MRPL30: variants seen among roughly 807,000 people sequenced by gnomAD.
MRPL30 encodes the protein mitochondrial ribosomal protein L30.
A neutral mutation model predicts 17.2 loss-of-function variants in MRPL30; 10 were observed. The ratio of observed to expected loss-of-function variants is 0.58; its 90% CI spans 0.36 to 0.99. The LOEUF is 0.99. Ranked by LOEUF, MRPL30 falls within the 50% of genes least tolerant of loss-of-function variation. MRPL30 has a pLI of 0.01. For missense variants in MRPL30, 170 were observed against 189.8 expected (o/e 0.90, Z 0.61); for synonymous variants, 61 against 62.1 (o/e 0.98, Z 0.08).
At chr2:99,188,289 G>A in intron 3 of MRPL30, 32 bp downstream of exon 3, 3 of 1,516,096 alleles carry the variant, frequency 2.0e-6, no homozygotes, top group South Asian at 1.2e-5. Context: ...TTTAATGTTA[G>A]TGTTGTTTTA....
At chr2:99,181,981 A>C (rs1477881167) in intron 1 of MRPL30, among the ~76,000 whole-genome samples, 2 of 151,770 alleles carry the variant, frequency 1.3e-5, no homozygotes, top group Middle Eastern at 3.2e-3. Flanking sequence ...TGTTGCATGC[A>C]TGCTCATTGT....
In MRPL30 at chr2:99,194,445, C is replaced by A. The variant is rs1241689550; in HGVS notation, c.133-306C>A. 2.6e-5 allele frequency among the ~76,000 whole-genome samples: 4 copies of A among 152,110 alleles called. No homozygotes were observed. In the East Asian group the frequency reaches 7.7e-4, roughly 29 times the overall value. ...TTCCCACTTGATAGTCAGCTCTTCA[C>A]CTGAGAATAGGGAGGGAAGAGGATG... On this transcript the variant is annotated intron_variant, in intron 3 of 5. Coordinates refer to ENST00000338148, the MANE Select transcript of MRPL30 (RefSeq NM_145212.4).
chr2:99,194,037 C>CAAAA (rs33944983), intron 3 of MRPL30, among the ~76,000 whole-genome samples: 29 of 130,278 alleles, frequency 2.2e-4, no homozygotes, highest in African/African-American at 6.8e-4. Context: ...GACTCCATCT[C>CAAAA]AAAAAAAAAA....
rs936883022 is a variant in MRPL30 at position 99,199,542 on chromosome 2, A to G, written c.*3837A>G. On this transcript the variant is annotated 3_prime_UTR_variant, in exon 6 of 6. Coordinates refer to ENST00000338148, the MANE Select transcript of MRPL30 (RefSeq NM_145212.4). ...AATAAGTGCTCAAGAAGAAAAATAAACAATTCTTCATTTCCTGTTCTCTAG... is the reference window on the plus strand; with the variant it reads ...AATAAGTGCTCAAGAAGAAAAATAAGCAATTCTTCATTTCCTGTTCTCTAG... 1.3e-5 allele frequency among the ~76,000 whole-genome samples: 2 copies of G among 152,236 alleles called. No individual in the cohort carries two copies. Among genetic ancestry groups the G allele is most frequent in the Non-Finnish European group, 2.9e-5 (2 of 68,046 alleles).
intron 1 of MRPL30, among the ~76,000 whole-genome samples, chr2:99,184,916 C>T (rs2093931575): frequency 6.6e-6 from 1 of 152,202 alleles, no homozygotes; most frequent in Non-Finnish European, 1.5e-5. Flanking sequence ...CACTGAATTA[C>T]AACACTTAGC....
chr2:99,190,673 G>A (rs1430335398), intron 3 of MRPL30, among the ~76,000 whole-genome samples: 1 of 152,150 alleles, frequency 6.6e-6, no homozygotes, highest in Admixed American at 6.5e-5. Context: ...ATTTCTGGAA[G>A]GATAGATACA....
At chr2:99,188,302 A>G (rs1223631962) in intron 3 of MRPL30, 45 bp downstream of exon 3, 1 of 1,461,122 alleles carries the variant, frequency 6.8e-7, no homozygotes. Flanking sequence ...TTGTTTTAAA[A>G]AATGTTTTAA....
In MRPL30 at chr2:99,181,208, C is replaced by T; in HGVS notation, c.-69C>T. ...GGTAGTTCTTCCTCTGCTCTGCTTC[C>T]CTTCGGAGGAAAATTTCAGGCTGAA... On this transcript the variant is annotated 5_prime_UTR_variant, in exon 1 of 6. Coordinates refer to ENST00000338148, the MANE Select transcript of MRPL30 (RefSeq NM_145212.4). The T allele has an allele frequency of 1.9e-6, 1 of 530,160 alleles. No homozygotes were observed. Among genetic ancestry groups the T allele is most frequent in the Non-Finnish European group, 3.2e-6 (1 of 314,130 alleles). The allele number at this position is 530,160 out of a possible 1,614,324, so 32.8% of individuals were successfully genotyped here. A position where few individuals can be genotyped will look rare whatever the true frequency, so the allele number is the denominator to read the frequency against.
At position 99,184,622 on chromosome 2, in the gene MRPL30, G is replaced by A. The variant is rs2093931010; in HGVS notation, c.-27-1555G>A. On this transcript the variant is annotated intron_variant, in intron 1 of 5. Transcript: ENST00000338148. ...TGCTGATATACAAAAAAGATATTAG[G>A]GGAATTGGAATGGAAGCAGAAGTCC... Among the ~76,000 whole-genome samples, 5 of 152,154 alleles carry A rather than the reference G, an allele frequency of 3.3e-5. No homozygotes were observed. The South Asian group carries it at 1.0e-3, about 32-fold the overall frequency.
intron 3 of MRPL30, among the ~76,000 whole-genome samples, chr2:99,189,938 A>C (rs1379200096): frequency 6.7e-6 from 1 of 149,092 alleles, no homozygotes; most frequent in African/African-American, 2.5e-5. Context: ...CCTAGGCAAC[A>C]TAAGGAGACC....
chr2:99,195,451 C>A, intron 5 of MRPL30, 122 bp from the exon 6 acceptor site: 1 of 1,156,272 alleles, frequency 8.6e-7, no homozygotes, highest in Non-Finnish European at 1.2e-6. Context: ...ATGTTGGGAA[C>A]ATTCAACATC....
At chr2:99,194,485 G>A (rs1350230680) in intron 3 of MRPL30, among the ~76,000 whole-genome samples, 9 of 152,130 alleles carry the variant, frequency 5.9e-5, no homozygotes, top group Non-Finnish European at 1.3e-4. Flanking sequence ...CCAGTGCCCA[G>A]CTCATAGCAG....
At chr2:99,183,261 C>T (rs2093928651) in intron 1 of MRPL30, among the ~76,000 whole-genome samples, 1 of 152,052 alleles carries the variant, frequency 6.6e-6, no homozygotes, top group African/African-American at 2.4e-5. Context: ...ACTACAAAGA[C>T]ATGAGAGGGT....
chr2:99,186,014 C>T (rs1381406661), intron 1 of MRPL30, among the ~76,000 whole-genome samples, 163 bp from the exon 2 acceptor site: 3 of 152,288 alleles, frequency 2.0e-5, no homozygotes, highest in Admixed American at 1.3e-4. Context: ...TTGAATAAAA[C>T]ATTTATAAAT....
rs1359572312 is a variant in MRPL30 at position 99,197,576 on chromosome 2, G to C, written c.*1871G>C. 1 of 152,148 alleles carries C rather than the reference G, an allele frequency of 6.6e-6. No individual in the cohort carries two copies. The highest frequency in any genetic ancestry group is 2.4e-5 in the African/African-American group (1 of 41,430). The allele number at this position is 152,148 out of a possible 1,614,324, so 9.4% of individuals were successfully genotyped here. A position where few individuals can be genotyped will look rare whatever the true frequency, so the allele number is the denominator to read the frequency against. On this transcript the variant is annotated 3_prime_UTR_variant, in exon 6 of 6. Coordinates refer to ENST00000338148, the MANE Select transcript of MRPL30 (RefSeq NM_145212.4). ...AACATACAGTGTCCTTGCTTATGTG[G>C]GGTCGAAGACATCTGTGAAAATAAA...
intron 3 of MRPL30, among the ~76,000 whole-genome samples, chr2:99,191,517 T>A (rs2093946039): frequency 6.6e-6 from 1 of 152,158 alleles, no homozygotes; most frequent in Non-Finnish European, 1.5e-5. Flanking sequence ...TTTCCCAGAC[T>A]AAAGACATCT....
intron 2 of MRPL30, 152 bp downstream of exon 2, chr2:99,186,406 C>A: frequency 3.0e-6 from 2 of 656,636 alleles, no homozygotes; most frequent in Non-Finnish European, 5.1e-6. Context: ...AATCTGGGCT[C>A]ACTGTAGTCT....
At chr2:99,188,020 G>T (rs1423783948) in intron 2 of MRPL30, among the ~76,000 whole-genome samples, 157 bp from the exon 3 acceptor site, 1 of 152,104 alleles carries the variant, frequency 6.6e-6, no homozygotes, top group Non-Finnish European at 1.5e-5. Flanking sequence ...TTATGTTAGT[G>T]CTTAGATGGG....
intron 3 of MRPL30, among the ~76,000 whole-genome samples, chr2:99,193,358 G>A (rs1016922487): frequency 1.3e-5 from 2 of 152,000 alleles, no homozygotes; most frequent in African/African-American, 4.8e-5. Context: ...AAATAAGAAC[G>A]CTTTTACACT....
Sources: allele counts gnomAD v4.1 joint callset (sites outside exome capture counted in the v4.1 genomes callset), GRCh38; gene constraint gnomAD v4.1.1; transcripts MANE v1.5; gene names NCBI Gene and HGNC (gene_info 2026-07-23, HGNC 2026-07-21).